Variants in PTPRD observed in about 807,000 individuals in gnomAD.
PTPRD encodes receptor-type tyrosine-protein phosphatase delta.
Under a neutral mutation model 214.5 loss-of-function variants are expected in PTPRD, and 34 were observed. That is an observed-to-expected ratio of 0.16 (90% confidence interval 0.12 to 0.21). The LOEUF is 0.21. Among genes scored for constraint, PTPRD ranks in the 10% least tolerant of loss-of-function variants. PTPRD has a pLI of 1.00. For missense variants in PTPRD, 2,545 were observed against 2,398.7 expected (o/e 1.06, Z -1.27); for synonymous variants, 1,128 against 845.7 (o/e 1.33, Z -5.79).
At chr9:8,330,602 C>T (rs1839356551) in intron 44 of PTPRD, among the ~76,000 whole-genome samples, 1 of 152,084 alleles carries the variant, frequency 6.6e-6, no homozygotes, top group Non-Finnish European at 1.5e-5. Context: ...TAAAGGTTTG[C>T]TTCTTATAAC....
At chr9:9,902,683 C>T (rs1335297701) in intron 5 of PTPRD, among the ~76,000 whole-genome samples, 2 of 152,188 alleles carry the variant, frequency 1.3e-5, no homozygotes, top group East Asian at 3.9e-4. Context: ...CATTCAAAAT[C>T]ATGGGGTGAT....
At chr9:9,808,948 G>C (rs1415756259) in intron 5 of PTPRD, among the ~76,000 whole-genome samples, 1 of 95,036 alleles carries the variant, frequency 1.1e-5, no homozygotes, top group African/African-American at 7.9e-5. Context: ...TTTTTATTTT[G>C]TATTTTTTTT....
chr9:10,171,461 C>T (rs1303197603), intron 3 of PTPRD, among the ~76,000 whole-genome samples: 1 of 152,130 alleles, frequency 6.6e-6, no homozygotes, highest in Non-Finnish European at 1.5e-5. Flanking sequence ...CGTCCCCAGC[C>T]ACGTAGAACT....
chr9:8,473,794 G>A (rs886082051), intron 30 of PTPRD, among the ~76,000 whole-genome samples: 4 of 152,092 alleles, frequency 2.6e-5, no homozygotes, highest in Non-Finnish European at 5.9e-5. Flanking sequence ...TTAACGGTGC[G>A]GCAAGATATC....
At chr9:8,837,185 T>C (rs1252664038) in intron 11 of PTPRD, among the ~76,000 whole-genome samples, 2 of 151,910 alleles carry the variant, frequency 1.3e-5, no homozygotes, top group Non-Finnish European at 2.9e-5. Context: ...CAGCTAATTT[T>C]TGTATTTTCA....
At chr9:8,874,585 T>C (rs1478182177) in intron 11 of PTPRD, among the ~76,000 whole-genome samples, 3 of 152,190 alleles carry the variant, frequency 2.0e-5, no homozygotes, top group African/African-American at 7.2e-5. Context: ...AGCCAAGTAC[T>C]TGGTTACCTT....
At chr9:8,538,032 A>C (rs1458852746) in intron 14 of PTPRD, among the ~76,000 whole-genome samples, 1 of 152,012 alleles carries the variant, frequency 6.6e-6, no homozygotes, top group African/African-American at 2.4e-5. Context: ...TAGTAACACT[A>C]TTAATACCTG....
At chr9:10,526,343 G>A (rs1392397231) in intron 2 of PTPRD, among the ~76,000 whole-genome samples, 3 of 152,082 alleles carry the variant, frequency 2.0e-5, no homozygotes, top group Non-Finnish European at 4.4e-5. Flanking sequence ...TATTGCTAAA[G>A]TGTGGCTATA....
At chr9:8,921,103 C>T (rs10815997) in intron 11 of PTPRD, among the ~76,000 whole-genome samples, 38,743 of 152,100 alleles carry the variant, frequency 0.25, 6,096 homozygotes, top group Middle Eastern at 0.34. Context: ...CGTGAACCAC[C>T]GCGTCTGGCC....
At chr9:8,814,604 G>C (rs2096882847) in intron 11 of PTPRD, among the ~76,000 whole-genome samples, 1 of 152,294 alleles carries the variant, frequency 6.6e-6, no homozygotes, top group East Asian at 1.9e-4. Flanking sequence ...AGTGAAAATA[G>C]AAGACAGCCA....
chr9:10,427,035 C>T (rs1278515464), intron 2 of PTPRD, among the ~76,000 whole-genome samples: 1 of 152,098 alleles, frequency 6.6e-6, no homozygotes, highest in East Asian at 1.9e-4. Context: ...ATTATTGCTG[C>T]AAAGAGGTAT....
intron 3 of PTPRD, among the ~76,000 whole-genome samples, chr9:10,183,738 T>G (rs938502394): frequency 9.2e-5 from 14 of 152,176 alleles, no homozygotes; most frequent in African/African-American, 3.4e-4. Context: ...AATTGTAAAG[T>G]TACTTTTTTC....
chr9:8,353,876 A>ATATGTG (rs2076240587), intron 39 of PTPRD, among the ~76,000 whole-genome samples: 2 of 139,366 alleles, frequency 1.4e-5, no homozygotes, highest in African/African-American at 5.6e-5. Context: ...GTATATATGT[A>ATATGTG]TATATGTGTA....
At chr9:9,556,468 A>G (rs2081532980) in intron 8 of PTPRD, among the ~76,000 whole-genome samples, 1 of 152,184 alleles carries the variant, frequency 6.6e-6, no homozygotes, top group African/African-American at 2.4e-5. Context: ...GTTCAACTCT[A>G]TTTATTATTC....
At chr9:9,041,174 T>TA (rs199888509) in intron 10 of PTPRD, among the ~76,000 whole-genome samples, 2 of 152,138 alleles carry the variant, frequency 1.3e-5, no homozygotes, top group Non-Finnish European at 2.9e-5. Context: ...ATGAAAATAT[T>TA]AAAAAAATAT....
chr9:8,907,282 C>G (rs932304258), intron 11 of PTPRD, among the ~76,000 whole-genome samples: 5 of 151,546 alleles, frequency 3.3e-5, no homozygotes, highest in African/African-American at 1.2e-4. Context: ...GGCAAAGAAA[C>G]AAGACAATAT....
At chr9:9,702,532 G>C (rs1252062153) in intron 7 of PTPRD, among the ~76,000 whole-genome samples, 2 of 152,100 alleles carry the variant, frequency 1.3e-5, no homozygotes, top group African/African-American at 4.8e-5. Context: ...AGTGGTTATT[G>C]GGAAATAGAT....
At chr9:9,461,467 T>C (rs563953335) in intron 8 of PTPRD, among the ~76,000 whole-genome samples, 7 of 152,128 alleles carry the variant, frequency 4.6e-5, no homozygotes, top group Admixed American at 4.6e-4. Flanking sequence ...TTAATGGAAT[T>C]AGAGTAGATA....
intron 8 of PTPRD, among the ~76,000 whole-genome samples, chr9:9,551,641 T>G (rs912626291): frequency 6.6e-6 from 1 of 152,024 alleles, no homozygotes; most frequent in Non-Finnish European, 1.5e-5. Context: ...TTTGTTCTTC[T>G]TTCATCAAGC....
Sources: allele counts gnomAD v4.1 joint callset (sites outside exome capture counted in the v4.1 genomes callset), GRCh38; gene constraint gnomAD v4.1.1; transcripts MANE v1.5; gene names NCBI Gene and HGNC (gene_info 2026-07-23, HGNC 2026-07-21).